LRRC4C: variants seen among roughly 807,000 people sequenced by gnomAD.
LRRC4C encodes the protein leucine-rich repeat-containing protein 4C.
Under a neutral mutation model 33.6 loss-of-function variants are expected in LRRC4C, and 5 were observed. The observed-to-expected ratio is 0.15, with a 90% CI of 0.08 to 0.31. The LOEUF (loss-of-function observed/expected upper bound fraction) is 0.31, where lower values mean the gene tolerates loss of function less well. Among genes scored for constraint, LRRC4C ranks in the 10% least tolerant of loss-of-function variants. The pLI, the probability that LRRC4C is intolerant of heterozygous loss-of-function variation, is 1.00. For missense variants in LRRC4C, 560 were observed against 796.7 expected (o/e 0.70, Z 3.58); for synonymous variants, 329 against 302.0 (o/e 1.09, Z -0.93).
intron 3 of LRRC4C, among the ~76,000 whole-genome samples, chr11:40,383,636 T>C (rs1948982213): frequency 6.6e-6 from 1 of 152,174 alleles, no homozygotes; most frequent in South Asian, 2.1e-4. Flanking sequence ...CATATATGTG[T>C]TGGCCATTTG....
chr11:41,431,581 T>G (rs1343695231), intron 1 of LRRC4C, among the ~76,000 whole-genome samples: 1 of 151,972 alleles, frequency 6.6e-6, no homozygotes, highest in African/African-American at 2.4e-5. Flanking sequence ...GCTCTCAGAT[T>G]GGTTATTGGT....
chr11:40,383,763 C>T (rs568734784), intron 3 of LRRC4C, among the ~76,000 whole-genome samples: 12 of 151,934 alleles, frequency 7.9e-5, no homozygotes, highest in African/African-American at 2.4e-4. Context: ...TGGCTCACTG[C>T]AGCCTTAAAT....
chr11:41,365,356 T>TAGTGGGA (rs2137714509), intron 1 of LRRC4C, among the ~76,000 whole-genome samples: 1 of 152,056 alleles, frequency 6.6e-6, no homozygotes, highest in South Asian at 2.1e-4. Flanking sequence ...TCCCACTAAT[T>TAGTGGGA]CTACATTATG....
chr11:40,597,960 G>A (rs1044184370), intron 3 of LRRC4C, among the ~76,000 whole-genome samples: 9 of 152,176 alleles, frequency 5.9e-5, no homozygotes, highest in African/African-American at 1.9e-4. Context: ...ACTGCTGTGA[G>A]CTTTGATCAA....
intron 1 of LRRC4C, among the ~76,000 whole-genome samples, chr11:41,432,370 C>A (rs575879959): frequency 6.6e-6 from 1 of 152,032 alleles, no homozygotes; most frequent in Non-Finnish European, 1.5e-5. Flanking sequence ...GAGTGTGAAG[C>A]AGTTAGTCAA....
chr11:41,059,920 G>C (rs1858940451), intron 1 of LRRC4C, among the ~76,000 whole-genome samples: 1 of 152,062 alleles, frequency 6.6e-6, no homozygotes, highest in Non-Finnish European at 1.5e-5. Flanking sequence ...AGCTACTCGG[G>C]GGTCTGAGGC....
At chr11:41,054,060 C>T (rs142228603) in intron 1 of LRRC4C, among the ~76,000 whole-genome samples, 2 of 152,264 alleles carry the variant, frequency 1.3e-5, no homozygotes, top group African/African-American at 4.8e-5. Flanking sequence ...CAAACAAAAA[C>T]ATGTGATGAC....
chr11:40,343,935 T>C (rs544431448), intron 3 of LRRC4C, among the ~76,000 whole-genome samples: 4 of 152,034 alleles, frequency 2.6e-5, no homozygotes, highest in Non-Finnish European at 5.9e-5. Context: ...ATACAACATT[T>C]GAAGACTGAA....
intron 1 of LRRC4C, among the ~76,000 whole-genome samples, chr11:41,329,008 C>T (rs3887032): frequency 0.016 from 2,475 of 152,186 alleles, 69 homozygotes; most frequent in African/African-American, 0.056. Flanking sequence ...ATATAATGCC[C>T]CATTTAATAA....
intron 1 of LRRC4C, among the ~76,000 whole-genome samples, chr11:41,065,802 A>G (rs1334883346): frequency 3.3e-5 from 5 of 152,206 alleles, no homozygotes; most frequent in Non-Finnish European, 7.3e-5. Context: ...AGCAAACTGC[A>G]GCAGACGTGC....
chr11:40,677,265 A>C (rs1944451055), intron 2 of LRRC4C, among the ~76,000 whole-genome samples: 2 of 152,086 alleles, frequency 1.3e-5, no homozygotes, highest in African/African-American at 2.4e-5. Context: ...AGATACCTGT[A>C]ATCCCAGTTA....
At chr11:40,124,146 G>A (rs1418774025) in intron 6 of LRRC4C, among the ~76,000 whole-genome samples, 3 of 152,046 alleles carry the variant, frequency 2.0e-5, no homozygotes, top group Admixed American at 6.6e-5. Context: ...AAGTTAAAAG[G>A]GCTTTTATCC....
intron 2 of LRRC4C, among the ~76,000 whole-genome samples, chr11:40,790,501 C>A (rs1448066379): frequency 6.6e-6 from 1 of 152,194 alleles, no homozygotes; most frequent in Non-Finnish European, 1.5e-5. Flanking sequence ...TGTGTCCGCA[C>A]CACGGTGGCA....
intron 3 of LRRC4C, among the ~76,000 whole-genome samples, chr11:40,438,587 T>C (rs1951245267): frequency 6.6e-6 from 1 of 152,196 alleles, no homozygotes; most frequent in Non-Finnish European, 1.5e-5. Flanking sequence ...AATAAACAGA[T>C]ATTTTATCTA....
At chr11:40,775,708 A>G (rs1314575418) in intron 2 of LRRC4C, among the ~76,000 whole-genome samples, 1 of 152,180 alleles carries the variant, frequency 6.6e-6, no homozygotes, top group Non-Finnish European at 1.5e-5. Flanking sequence ...ATACAAAATC[A>G]TATTGTAAGT....
chr11:40,926,236 G>A (rs796338913), intron 2 of LRRC4C, among the ~76,000 whole-genome samples: 24 of 152,212 alleles, frequency 1.6e-4, no homozygotes, highest in African/African-American at 5.3e-4. Flanking sequence ...GGGAGGCTGC[G>A]TTCTTTCCTT....
intron 1 of LRRC4C, among the ~76,000 whole-genome samples, chr11:40,984,404 A>AAAGG: frequency 1.2e-5 from 1 of 86,728 alleles, no homozygotes; most frequent in South Asian, 3.0e-4. Context: ...AGAAAGAAAG[A>AAAGG]AAGAAAGAAA....
intron 1 of LRRC4C, among the ~76,000 whole-genome samples, chr11:40,958,112 C>T (rs1409478249): frequency 1.3e-5 from 2 of 151,562 alleles, no homozygotes; most frequent in Non-Finnish European, 3.0e-5. Flanking sequence ...GAAGCAGGCC[C>T]TCACCACACA....
At chr11:41,458,805 C>A (rs1181097901) in intron 1 of LRRC4C, among the ~76,000 whole-genome samples, 1 of 151,816 alleles carries the variant, frequency 6.6e-6, no homozygotes, top group Non-Finnish European at 1.5e-5. Context: ...GATGCAATAG[C>A]GAGAGAATCA....
Sources: allele counts gnomAD v4.1 joint callset (sites outside exome capture counted in the v4.1 genomes callset), GRCh38; gene constraint gnomAD v4.1.1; transcripts MANE v1.5; gene names NCBI Gene and HGNC (gene_info 2026-07-23, HGNC 2026-07-21).